Variants in NSUN3 observed in about 807,000 individuals in gnomAD.
NSUN3 encodes the protein NOP2/Sun RNA methyltransferase 3, also known as tRNA (cytosine(34)-C(5))-methyltransferase, mitochondrial.
NSUN3 carries 24 observed loss-of-function variants against 36.8 expected under a neutral mutation model. The ratio of observed to expected loss-of-function variants is 0.65; its 90% CI spans 0.47 to 0.92. The LOEUF is 0.92. Ranked by LOEUF, NSUN3 falls within the 40% of genes least tolerant of loss-of-function variation. The pLI, the probability that NSUN3 is intolerant of heterozygous loss-of-function variation, is 0.00. For missense variants in NSUN3, 381 were observed against 392.8 expected, an observed-to-expected ratio of 0.97 and a Z score of 0.25; for synonymous variants, 146 against 145.2, an observed-to-expected ratio of 1.01 and a Z score of -0.04.
In NSUN3 at chr3:94,095,042, G is replaced by A. The variant is rs764587422; in HGVS notation, c.631G>A (p.Asp211Asn). The A allele has an allele frequency of 6.2e-7, 1 of 1,613,854 alleles. No individual in the cohort carries two copies. Among genetic ancestry groups the A allele is most frequent in the East Asian group, 2.2e-5 (1 of 44,866 alleles). ...QPEMFDKVLVDAPCSNDRSWL... is the reference protein window; with the variant it reads ...QPEMFDKVLVNAPCSNDRSWL... Reference sequence around the variant, plus strand: ...TCTTTTTTTTCTCTAGGTGTTAGTGGATGCTCCGTGTTCAAATGATCGAAG... The same window carrying A: ...TCTTTTTTTTCTCTAGGTGTTAGTGAATGCTCCGTGTTCAAATGATCGAAG... Residue 211 changes from aspartate (D) to asparagine (N), a missense_variant, in exon 5 of 6, where the codon GAT becomes AAT. By Grantham distance (23) the Asp-to-Asn change is conservative (BLOSUM62 1). Coordinates refer to ENST00000314622, the MANE Select transcript of NSUN3 (RefSeq NM_022072.5).
chr3:94,073,117 G>T (rs181775104), intron 2 of NSUN3, among the ~76,000 whole-genome samples: 1 of 152,082 alleles, frequency 6.6e-6, no homozygotes, highest in African/African-American at 2.4e-5. Context: ...CCATGTCCCC[G>T]CGAAGGACGT....
In NSUN3 at chr3:94,126,293, A is replaced by G; in HGVS notation, c.826A>G (p.Ile276Val). 6.2e-7 allele frequency: 1 copy of G among 1,614,138 alleles called. No homozygotes were observed. Among genetic ancestry groups the G allele is most frequent in the Non-Finnish European group, 8.5e-7 (1 of 1,180,006 alleles). Reference sequence around the variant, plus strand: ...TTCCAAGGCAGAAAATCAAGATGTGATCAGTGAAATTTTAAACTCCCACGG... The same window carrying G: ...TTCCAAGGCAGAAAATCAAGATGTGGTCAGTGAAATTTTAAACTCCCACGG... ...TLSKAENQDV[I>V]SEILNSHGNI... Residue 276 changes from isoleucine (I) to valine (V), a missense_variant, in exon 6 of 6, where the codon ATC (isoleucine) becomes GTC (valine). Transcript: ENST00000314622.
chr3:94,075,337 A>C (rs1179830250), intron 2 of NSUN3, among the ~76,000 whole-genome samples: 3 of 152,166 alleles, frequency 2.0e-5, no homozygotes, highest in African/African-American at 7.2e-5. Context: ...ACTAATGAGC[A>C]AAAATATATG....
At chr3:94,077,668 A>T (rs2077252124) in intron 2 of NSUN3, among the ~76,000 whole-genome samples, 1 of 152,038 alleles carries the variant, frequency 6.6e-6, no homozygotes, top group Non-Finnish European at 1.5e-5. Flanking sequence ...TAGACTTGGG[A>T]GGTTGTATGT....
chr3:94,130,984 C>T lies in NSUN3; in HGVS notation c.*4494C>T, dbSNP rs192417306. Reference sequence around the variant, plus strand: ...CTAGAGTGCAGTGGTGTCATCATGGCTCACTGCAGCCTCGACTTCCTGGGT... The same window carrying T: ...CTAGAGTGCAGTGGTGTCATCATGGTTCACTGCAGCCTCGACTTCCTGGGT... On this transcript the variant is annotated 3_prime_UTR_variant, in exon 6 of 6. Coordinates refer to ENST00000314622, the MANE Select transcript of NSUN3 (RefSeq NM_022072.5). Among the ~76,000 whole-genome samples, 113 of 152,152 alleles carry T rather than the reference C, an allele frequency of 7.4e-4. No homozygotes were observed. The highest frequency in any genetic ancestry group is 6.0e-4 in the Non-Finnish European group (41 of 67,994).
chr3:94,084,534 C>G, intron 3 of NSUN3, 84 bp downstream of exon 3: 1 of 1,049,254 alleles, frequency 9.5e-7, no homozygotes, highest in Non-Finnish European at 1.3e-6. Flanking sequence ...TGGGGAGAAA[C>G]GTAAGACTGA....
At chr3:94,068,318 A>C (rs897911246) in intron 2 of NSUN3, among the ~76,000 whole-genome samples, 2 of 152,188 alleles carry the variant, frequency 1.3e-5, no homozygotes, top group Non-Finnish European at 2.9e-5. Context: ...GTCCCTTGGC[A>C]AAATTAGTTT....
intron 2 of NSUN3, chr3:94,082,118 T>C (rs1240867212): frequency 6.6e-6 from 1 of 152,226 alleles, no homozygotes; most frequent in East Asian, 1.9e-4. Context: ...ATCATTTTTT[T>C]ATTACACATG....
intron 5 of NSUN3, among the ~76,000 whole-genome samples, chr3:94,112,401 C>T (rs1294837939): frequency 3.9e-5 from 6 of 152,124 alleles, no homozygotes; most frequent in Non-Finnish European, 7.4e-5. Flanking sequence ...CCACGTGGTA[C>T]CAAATTCAGT....
At chr3:94,110,986 A>C (rs1271985526) in intron 5 of NSUN3, among the ~76,000 whole-genome samples, 2 of 152,096 alleles carry the variant, frequency 1.3e-5, no homozygotes, top group Non-Finnish European at 2.9e-5. Flanking sequence ...TTACCTGGAC[A>C]ACCTTGGGAA....
chr3:94,075,790 G>T, intron 2 of NSUN3: 1 of 783,372 alleles, frequency 1.3e-6, no homozygotes. Flanking sequence ...CATTATTGGT[G>T]GTACCTATTA....
At chr3:94,073,925 G>C (rs2077236328) in intron 2 of NSUN3, among the ~76,000 whole-genome samples, 1 of 152,026 alleles carries the variant, frequency 6.6e-6, no homozygotes, top group African/African-American at 2.4e-5. Context: ...GGATTTTTAT[G>C]GTTTTAGGTC....
At chr3:94,076,541 T>C in intron 2 of NSUN3, 1 of 802,456 alleles carries the variant, frequency 1.2e-6, no homozygotes. Flanking sequence ...CACATTTCCC[T>C]CCTTTGGAAC....
intron 5 of NSUN3, among the ~76,000 whole-genome samples, chr3:94,118,206 C>G (rs1256342560): frequency 6.6e-6 from 1 of 152,034 alleles, no homozygotes; most frequent in African/African-American, 2.4e-5. Flanking sequence ...AAACATATAC[C>G]TTCAGATTAT....
At chr3:94,098,882 A>T (rs907369101) in intron 5 of NSUN3, among the ~76,000 whole-genome samples, 4 of 152,074 alleles carry the variant, frequency 2.6e-5, no homozygotes, top group African/African-American at 9.7e-5. Context: ...TCACTTAAAG[A>T]TACATTTATT....
At chr3:94,072,757 G>A (rs1475541332) in intron 2 of NSUN3, among the ~76,000 whole-genome samples, 4 of 151,968 alleles carry the variant, frequency 2.6e-5, no homozygotes, top group Non-Finnish European at 5.9e-5. Context: ...GAATGAGATA[G>A]AGTAATTTCT....
rs777870926 is a variant in NSUN3, at chr3:94,080,684, G to T, written c.123-3423G>T. ...GGGCTCCGCCCAGTTCAAACTTCCT[G>T]ATGGCTTTGTTTACACTGTGAGGGT... On this transcript the variant is annotated intron_variant, in intron 2 of 5. Transcript: ENST00000314622. Among the ~76,000 whole-genome samples the T allele has an allele frequency of 2.6e-5, 4 of 152,224 alleles. No individual in the cohort carries two copies. In the South Asian group the frequency reaches 8.3e-4, roughly 31 times the overall value.
intron 5 of NSUN3, among the ~76,000 whole-genome samples, chr3:94,122,171 A>AG (rs1491421519): frequency 1.3e-5 from 2 of 150,966 alleles, no homozygotes; most frequent in African/African-American, 4.9e-5. Flanking sequence ...AAAAAAAAAA[A>AG]CAATTTAAGT....
chr3:94,097,609 G>A (rs530733645), intron 5 of NSUN3, among the ~76,000 whole-genome samples: 1 of 152,200 alleles, frequency 6.6e-6, no homozygotes, highest in East Asian at 1.9e-4. Flanking sequence ...TAGAACTGAG[G>A]ATCAAATACT....
Sources: allele counts gnomAD v4.1 joint callset (sites outside exome capture counted in the v4.1 genomes callset), GRCh38; gene constraint gnomAD v4.1.1; transcripts MANE v1.5; gene names NCBI Gene and HGNC (gene_info 2026-07-23, HGNC 2026-07-21).